IL2RA: variants seen among roughly 807,000 people sequenced by gnomAD.
IL2RA encodes interleukin 2 receptor subunit alpha.
In IL2RA, 24 loss-of-function variants were observed where a neutral mutation model predicts 37.8. That is an observed-to-expected ratio of 0.63 (90% CI 0.46 to 0.89). IL2RA has a LOEUF of 0.89. IL2RA is among the 40% of genes least tolerant of loss of function. The pLI is 0.00. For synonymous variants in IL2RA, 125 were observed against 114.6 expected, an observed-to-expected ratio of 1.09 and a Z score of -0.58; for missense variants, 319 against 348.6, an observed-to-expected ratio of 0.92 and a Z score of 0.68.
chr10:6,016,855 G>A (rs1024512862), intron 7 of IL2RA, among the ~76,000 whole-genome samples: 2 of 152,198 alleles, frequency 1.3e-5, no homozygotes, highest in African/African-American at 4.8e-5. Flanking sequence ...TTACAGGCAT[G>A]AGCCACAACT....
In IL2RA at chr10:6,047,952, CA is replaced by C. The variant is rs1839892940; in HGVS notation, c.64+14135del. On this transcript the variant is annotated intron_variant, in intron 1 of 7. Transcript: ENST00000379959. This position sits in a 1 kb window ranked among gnomAD's most constrained non-coding sequence, Gnocchi z 5.0. ...CGTTCTCTAGAGGCAGGAACTAAGG[CA>C]CAGAGAGGCCCAGTGACTTGCCCAG... is the stretch of plus-strand genomic sequence containing the variant. 6.6e-6 allele frequency among the ~76,000 whole-genome samples: 1 copy of C among 152,170 alleles called. No individual in the cohort carries two copies. The highest frequency in any genetic ancestry group is 2.4e-5 in the African/African-American group (1 of 41,438).
chr10:6,026,408 T>C (rs1839484485), intron 1 of IL2RA, among the ~76,000 whole-genome samples: 1 of 152,248 alleles, frequency 6.6e-6, no homozygotes, highest in Admixed American at 6.5e-5. Context: ...CTGTGCAAGA[T>C]ACTTTTAAGG....
intron 1 of IL2RA, among the ~76,000 whole-genome samples, chr10:6,037,920 C>T (rs1839716301): frequency 6.6e-6 from 1 of 152,142 alleles, no homozygotes; most frequent in African/African-American, 2.4e-5. Context: ...CAAAGATATG[C>T]CTAATATTGA....
At chr10:6,045,941 G>C (rs1217682507) in intron 1 of IL2RA, among the ~76,000 whole-genome samples, 1 of 152,220 alleles carries the variant, frequency 6.6e-6, no homozygotes, top group Non-Finnish European at 1.5e-5. Context: ...ATGATGCTAA[G>C]AGTTTCTCCT....
intron 1 of IL2RA, among the ~76,000 whole-genome samples, chr10:6,049,520 C>T (rs1839914364): frequency 6.6e-6 from 1 of 152,212 alleles, no homozygotes; most frequent in South Asian, 2.1e-4. Flanking sequence ...CCATCATGCT[C>T]ATGCCACACT....
chr10:6,026,014 C>T lies in IL2RA; in HGVS notation c.76G>A (p.Asp26Asn), dbSNP rs55868253. The stretch of plus-strand genomic sequence containing the variant: ...GCGTGTGGGATCTCTGGCGGGTCAT[C>T]GTCACAGAGCTCTGCAAAGCAAAAG... ...VPGCQAELCD[D>N]DPPEIPHATF... is the part of the protein sequence containing the mutation. The change falls in exon 2 of 8, where the codon GAT (aspartate) becomes AAT (asparagine). Residue 26 changes from aspartate (D) to asparagine (N), a missense_variant. Physicochemically the swap from Asp to Asn is conservative, Grantham distance 23. Coordinates refer to ENST00000379959, the MANE Select transcript of IL2RA (RefSeq NM_000417.3). 3.7e-5 allele frequency: 60 copies of T among 1,612,982 alleles called. No individual in the cohort carries two copies. Among genetic ancestry groups the T allele is most frequent in the Non-Finnish European group, 4.8e-5 (57 of 1,180,010 alleles).
At chr10:6,031,143 A>G (rs922350802) in intron 1 of IL2RA, among the ~76,000 whole-genome samples, 8 of 151,988 alleles carry the variant, frequency 5.3e-5, no homozygotes, top group African/African-American at 1.7e-4. Flanking sequence ...ATATAAATGG[A>G]CAAAAATCCA....
chr10:6,052,684 GT>G (rs951706737), intron 1 of IL2RA, among the ~76,000 whole-genome samples: 13 of 152,056 alleles, frequency 8.5e-5, no homozygotes, highest in Non-Finnish European at 1.3e-4. Context: ...CCTAGCCTTT[GT>G]TTTTTTATTG....
intron 7 of IL2RA, chr10:6,017,251 TC>T (rs1421484183): frequency 1.3e-5 from 2 of 152,288 alleles, no homozygotes; most frequent in Non-Finnish European, 2.9e-5. Context: ...ACATTCCTGG[TC>T]AAGGGGATGC....
intron 1 of IL2RA, among the ~76,000 whole-genome samples, chr10:6,042,053 G>T (rs1249559179): frequency 6.8e-6 from 1 of 147,356 alleles, no homozygotes; most frequent in Non-Finnish European, 1.5e-5. Flanking sequence ...CAATACATAT[G>T]GTTGATAAGG....
At chr10:6,052,931 C>T (rs564764709) in intron 1 of IL2RA, among the ~76,000 whole-genome samples, 1 of 152,228 alleles carries the variant, frequency 6.6e-6, no homozygotes, top group Non-Finnish European at 1.5e-5. Context: ...CTGCAGGGAA[C>T]AGCAGGACCC....
At chr10:6,038,316 T>C (rs1839721640) in intron 1 of IL2RA, among the ~76,000 whole-genome samples, 1 of 152,242 alleles carries the variant, frequency 6.6e-6, no homozygotes, top group Non-Finnish European at 1.5e-5. Context: ...GGTGTTTGTG[T>C]GATGTTGTGG....
At chr10:6,032,549 C>T (rs908955632) in intron 1 of IL2RA, among the ~76,000 whole-genome samples, 7 of 151,708 alleles carry the variant, frequency 4.6e-5, no homozygotes, top group South Asian at 2.1e-4. Flanking sequence ...AAAAATTAGC[C>T]GGGTGTGGTG....
At chr10:6,037,529 C>T (rs1589302747) in intron 1 of IL2RA, among the ~76,000 whole-genome samples, 1 of 152,272 alleles carries the variant, frequency 6.6e-6, no homozygotes, top group East Asian at 1.9e-4. Context: ...ACGCACGGAG[C>T]ACAGGAAATG....
Position 6,047,467 on chromosome 10 carries a change from G to A in IL2RA, c.64+14621C>T, listed in dbSNP as rs41294723. On this transcript the variant is annotated intron_variant, in intron 1 of 7. Transcript: ENST00000379959. The surrounding 1 kb of genome is among the most constrained non-coding windows in gnomAD (Gnocchi z 5.0). ...CCTGTAGCATGCACCCTGTGCCTCC[G>A]GGCCACCAAAAACAGCAATCACGTC... Among the ~76,000 whole-genome samples the A allele has an allele frequency of 1.8e-3, 275 of 152,226 alleles. 3 individuals carry two copies. The highest frequency in any genetic ancestry group is 3.0e-3 in the Non-Finnish European group (206 of 68,006).
At position 6,018,880 on chromosome 10, in the gene IL2RA, C is replaced by A. The variant is rs1589291604; in HGVS notation, c.727+548G>T. On this transcript the variant is annotated intron_variant, in intron 6 of 7. Transcript: ENST00000379959. This position sits in a 1 kb window ranked among gnomAD's most constrained non-coding sequence, Gnocchi z 5.1. ...CTAACCAACTAACAAACCTACTAAC[C>A]TACCAACAAACTAACCAACCAACCA... is the stretch of plus-strand genomic sequence containing the variant. 6.6e-6 allele frequency among the ~76,000 whole-genome samples: 1 copy of A among 152,230 alleles called. No homozygotes were observed. The highest frequency in any genetic ancestry group is 1.5e-5 in the Non-Finnish European group (1 of 67,984).
At chr10:6,040,563 TC>T (rs1325103579) in intron 1 of IL2RA, among the ~76,000 whole-genome samples, 23 of 152,362 alleles carry the variant, frequency 1.5e-4, no homozygotes, top group African/African-American at 5.1e-4. Flanking sequence ...TAGAATTTTT[TC>T]TTAGCCATCA....
chr10:6,046,085 A>G lies in IL2RA; in HGVS notation c.64+16003T>C, dbSNP rs1839852003. Among the ~76,000 whole-genome samples the G allele has an allele frequency of 6.6e-6, 1 of 151,980 alleles. No homozygotes were observed. The highest frequency in any genetic ancestry group is 2.4e-5 in the African/African-American group (1 of 41,368). ...TCAGGGGTTCCCAGCAGCCAGGCTC[A>G]CTCTGCCCTGCTCCTCACCCATCTC... On this transcript the variant is annotated intron_variant, in intron 1 of 7. Transcript: ENST00000379959. This position sits in a 1 kb window ranked among gnomAD's most constrained non-coding sequence, Gnocchi z 4.8.
At chr10:6,027,186 C>T (rs998824282) in intron 1 of IL2RA, among the ~76,000 whole-genome samples, 5 of 151,992 alleles carry the variant, frequency 3.3e-5, no homozygotes, top group South Asian at 2.1e-4. Flanking sequence ...ATTAGCCGGG[C>T]GTGGTGGCAT....
Sources: gnomAD v4.1 joint callset for allele counts (sites outside exome capture counted in the v4.1 genomes callset) on GRCh38, gnomAD v4.1.1 for gene constraint, Gnocchi (gnomAD v3.1) non-coding constraint, MANE v1.5 for transcripts, NCBI Gene and HGNC (gene_info 2026-07-23, HGNC 2026-07-21) for gene names.